Variants in BCL2L13 observed in about 807,000 individuals in gnomAD.
BCL2L13 encodes the protein bcl-2-like protein 13.
A neutral mutation model predicts 25.8 loss-of-function variants in BCL2L13; 13 were observed. The ratio of observed to expected loss-of-function variants is 0.50; its 90% confidence interval spans 0.33 to 0.80. The LOEUF is 0.80. Ranked by LOEUF, BCL2L13 falls within the 30% of genes least tolerant of loss-of-function variation. The probability of loss-of-function intolerance (pLI) is 0.02; values close to 1 mark genes in which losing one functional copy is unlikely to be tolerated. For missense variants in BCL2L13, 504 were observed against 574.9 expected, an observed-to-expected ratio of 0.88 and a Z score of 1.26; for synonymous variants, 244 against 230.3, an observed-to-expected ratio of 1.06 and a Z score of -0.54.
At chr22:17,706,875 G>A (rs774806181) in intron 6 of BCL2L13, 120 of 1,313,446 alleles carry the variant, frequency 9.1e-5, no homozygotes, top group Non-Finnish European at 1.1e-4. Flanking sequence ...AATACTTCTT[G>A]TGAAAGATTT....
intron 1 of BCL2L13, among the ~76,000 whole-genome samples, chr22:17,632,706 C>CTTTTGTTTT (rs2058049070): frequency 6.7e-6 from 1 of 149,230 alleles, no homozygotes. Flanking sequence ...ATCAACCGTG[C>CTTTTGTTTT]TTTTGTTTTT....
intron 2 of BCL2L13, among the ~76,000 whole-genome samples, chr22:17,658,623 G>A (rs973520480): frequency 2.0e-5 from 3 of 149,908 alleles, no homozygotes; most frequent in Non-Finnish European, 4.4e-5. Context: ...GAACCCAGGA[G>A]GCGGAGGTTG....
intron 2 of BCL2L13, 22 bp downstream of exon 2, chr22:17,655,854 G>A: frequency 6.3e-7 from 1 of 1,593,954 alleles, no homozygotes; most frequent in Non-Finnish European, 8.5e-7. Context: ...GGCTTATGGT[G>A]GTTATAGTAA....
intron 1 of BCL2L13, among the ~76,000 whole-genome samples, chr22:17,653,695 G>T (rs1424791269): frequency 6.6e-6 from 1 of 151,524 alleles, no homozygotes; most frequent in Non-Finnish European, 1.5e-5. Context: ...GTAGAGACAG[G>T]GTCTCACTGT....
At chr22:17,664,910 T>C (rs2059189988) in intron 2 of BCL2L13, among the ~76,000 whole-genome samples, 1 of 152,316 alleles carries the variant, frequency 6.6e-6, no homozygotes, top group Non-Finnish European at 1.5e-5. Flanking sequence ...TCCAGGAAAC[T>C]ATGTTTCCCT....
At chr22:17,688,789 C>T (rs1312251396) in intron 3 of BCL2L13, among the ~76,000 whole-genome samples, 197 bp from the exon 4 acceptor site, 4 of 135,596 alleles carry the variant, frequency 2.9e-5, no homozygotes, top group Non-Finnish European at 4.7e-5. Flanking sequence ...TTTTTTGAGA[C>T]GGAGTTTCCC....
chr22:17,708,073 G>T (rs1393035934), intron 6 of BCL2L13, among the ~76,000 whole-genome samples: 1 of 151,484 alleles, frequency 6.6e-6, no homozygotes, highest in Non-Finnish European at 1.5e-5. Flanking sequence ...TTTTTACTTA[G>T]TTCCTACCAC....
At chr22:17,702,143 T>A in intron 5 of BCL2L13, 100 bp from the exon 6 acceptor site, 1 of 948,458 alleles carries the variant, frequency 1.1e-6, no homozygotes, top group South Asian at 1.9e-5. Context: ...TAAAAATACC[T>A]TAATGATGCA....
chr22:17,709,701 C>T (rs538884108), intron 6 of BCL2L13, among the ~76,000 whole-genome samples: 2 of 152,284 alleles, frequency 1.3e-5, no homozygotes, highest in African/African-American at 4.8e-5. Flanking sequence ...AGGAGAATCT[C>T]TTGAACCCAG....
At position 17,655,738 on chromosome 22, in the gene BCL2L13, G is replaced by A; in HGVS notation, c.27G>A (p.Leu9=). 1.2e-6 allele frequency: 2 copies of A among 1,613,330 alleles called. No individual in the cohort carries two copies. The highest frequency in any genetic ancestry group is 1.7e-6 in the Non-Finnish European group (2 of 1,179,626). Residue 9 remains leucine (L), a synonymous_variant, in exon 2 of 7, where the codon CTG becomes CTA. Coordinates refer to ENST00000317582, the MANE Select transcript of BCL2L13 (RefSeq NM_015367.4). ...TGGCGTCCTCTTCTACTGTGCCTCT[G>A]GGATTTCACTATGAAACAAAGTATG... MASSSTVP[L]GFHYETKYVV...
intron 1 of BCL2L13, among the ~76,000 whole-genome samples, chr22:17,643,596 TTTG>T (rs888205075): frequency 8.5e-5 from 13 of 152,182 alleles, no homozygotes; most frequent in African/African-American, 2.4e-4. Flanking sequence ...AACTTAATGT[TTTG>T]TTGTTGTTGT....
intron 2 of BCL2L13, among the ~76,000 whole-genome samples, chr22:17,680,293 G>A (rs1473032954): frequency 1.3e-5 from 2 of 150,378 alleles, no homozygotes; most frequent in Non-Finnish European, 3.0e-5. Context: ...GGCGCATCAC[G>A]AGGTCAGGAG....
rs2061338187 is a variant in BCL2L13, at chr22:17,727,875, G to A, written c.*341G>A. Reference sequence around the variant, plus strand: ...GTGTGGTGGGCTCCACCCACTAGATGCCAGTGGCACCCCCTCCCAGAGATG... The same window carrying A: ...GTGTGGTGGGCTCCACCCACTAGATACCAGTGGCACCCCCTCCCAGAGATG... On this transcript the variant is annotated 3_prime_UTR_variant, in exon 7 of 7. Coordinates refer to ENST00000317582, the MANE Select transcript of BCL2L13 (RefSeq NM_015367.4). The A allele has an allele frequency of 3.4e-6, 1 of 293,352 alleles. No homozygotes were observed. Among genetic ancestry groups the A allele is most frequent in the Non-Finnish European group, 6.5e-6 (1 of 154,700 alleles). The allele number at this position is 293,352 out of a possible 1,614,324, so 18.2% of individuals were successfully genotyped here.
intron 6 of BCL2L13, among the ~76,000 whole-genome samples, chr22:17,715,120 TTTTATATATATATATATATATATATA>T (rs1396649232): frequency 6.0e-5 from 5 of 83,592 alleles, no homozygotes; most frequent in Admixed American, 1.6e-4. Flanking sequence ...TCAGTGTTAA[TTTTATATATATATATATATATATATA>T]TATATATATA....
At chr22:17,707,905 A>G (rs1331934255) in intron 6 of BCL2L13, among the ~76,000 whole-genome samples, 3 of 152,150 alleles carry the variant, frequency 2.0e-5, no homozygotes, top group African/African-American at 7.2e-5. Context: ...AAAAAGTGAA[A>G]CAAAAAAATA....
Position 17,713,500 on chromosome 22 carries a change from C to T in BCL2L13, c.600+11114C>T, listed in dbSNP as rs189129688. Reference sequence around the variant, plus strand: ...TTTTGGAGATGGAGTCTCGCTCTGTCGCCCAGGCAGGAGTGCTGTGGTACG... The same window carrying T: ...TTTTGGAGATGGAGTCTCGCTCTGTTGCCCAGGCAGGAGTGCTGTGGTACG... On this transcript the variant is annotated intron_variant, in intron 6 of 6. Transcript: ENST00000317582. Among the ~76,000 whole-genome samples, 82 of 138,632 alleles carry T rather than the reference C, an allele frequency of 5.9e-4. 1 individual carries two copies. The East Asian group carries it at 0.014, about 24-fold the overall frequency. The allele number at this position is 138,632 out of a possible 152,430, so 90.9% of individuals were successfully genotyped here.
chr22:17,719,153 C>CAAAAAAA (rs59630355), intron 6 of BCL2L13, among the ~76,000 whole-genome samples: 6 of 45,500 alleles, frequency 1.3e-4, no homozygotes, highest in East Asian at 8.9e-4. Flanking sequence ...GGCTCTGTCT[C>CAAAAAAA]AAAAAAAAAA....
In BCL2L13 at chr22:17,730,754, T is replaced by C. The variant is rs1249819019; in HGVS notation, c.*3220T>C. The C allele has an allele frequency of 6.6e-6, 1 of 152,174 alleles. No homozygotes were observed. Among genetic ancestry groups the C allele is most frequent in the Non-Finnish European group, 1.5e-5 (1 of 68,042 alleles). The allele number at this position is 152,174 out of a possible 1,614,324, so 9.4% of individuals were successfully genotyped here. On this transcript the variant is annotated 3_prime_UTR_variant, in exon 7 of 7. Coordinates refer to ENST00000317582, the MANE Select transcript of BCL2L13 (RefSeq NM_015367.4). ...GCTAACAGACACGACCTAGAGCTTC[T>C]GCCCAAATTCCCACACAAGCATTAT...
intron 2 of BCL2L13, among the ~76,000 whole-genome samples, chr22:17,662,818 AT>A (rs2059117066): frequency 6.6e-6 from 1 of 152,186 alleles, no homozygotes; most frequent in Non-Finnish European, 1.5e-5. Flanking sequence ...TTCAAAAAAA[AT>A]AAAAATAAAA....
Sources: allele counts gnomAD v4.1 joint callset (sites outside exome capture counted in the v4.1 genomes callset), GRCh38; gene constraint gnomAD v4.1.1; transcripts MANE v1.5; gene names NCBI Gene and HGNC (gene_info 2026-07-23, HGNC 2026-07-21).